Variants in PCDHGB7 observed in about 807,000 individuals in gnomAD.
PCDHGB7 encodes protocadherin gamma-B7.
In PCDHGB7, 37 loss-of-function variants were observed where a neutral mutation model predicts 61.4. The observed-to-expected ratio is 0.60, with a 90% CI of 0.46 to 0.79. The LOEUF (loss-of-function observed/expected upper bound fraction) is 0.79. PCDHGB7 is among the 30% of genes least tolerant of loss of function. PCDHGB7 has a pLI of 0.00. For synonymous variants in PCDHGB7, 464 were observed against 503.5 expected, an observed-to-expected ratio of 0.92 and a Z score of 1.05; for missense variants, 1,166 against 1,202.5, an observed-to-expected ratio of 0.97 and a Z score of 0.45.
intron 1 of PCDHGB7, among the ~76,000 whole-genome samples, chr5:141,481,171 C>G (rs927813327): frequency 6.6e-6 from 1 of 152,120 alleles, no homozygotes; most frequent in African/African-American, 2.4e-5. Flanking sequence ...AACCAGAATC[C>G]AGCTTTATTG....
chr5:141,436,089 T>C (rs1001252646), intron 1 of PCDHGB7, among the ~76,000 whole-genome samples: 1 of 152,204 alleles, frequency 6.6e-6, no homozygotes, highest in Non-Finnish European at 1.5e-5. Context: ...ATAGGTAATA[T>C]TGAGAGAAAT....
intron 1 of PCDHGB7, among the ~76,000 whole-genome samples, chr5:141,454,062 A>T (rs548960162): frequency 6.6e-6 from 1 of 152,380 alleles, no homozygotes; most frequent in East Asian, 1.9e-4. Context: ...CAAAGAAACA[A>T]AAGTGATAAT....
Position 141,485,715 on chromosome 5 carries a change from A to G in PCDHGB7, c.2416-9092A>G. The G allele has an allele frequency of 6.2e-7, 1 of 1,614,114 alleles. No homozygotes were observed. Among genetic ancestry groups the G allele is most frequent in the Non-Finnish European group, 8.5e-7 (1 of 1,180,012 alleles). On this transcript the variant is annotated intron_variant, in intron 1 of 3. Transcript: ENST00000398594. The surrounding 1 kb of genome is among the most constrained non-coding windows in gnomAD (Gnocchi z 5.7). ...AGCTCCAATGAACACTTTGCACTGGATGTGAAGAAGCGCAGCGACGGCAGC... is the reference window on the plus strand; with the variant it reads ...AGCTCCAATGAACACTTTGCACTGGGTGTGAAGAAGCGCAGCGACGGCAGC...
intron 1 of PCDHGB7, chr5:141,421,585 G>A: frequency 1.2e-6 from 2 of 1,613,916 alleles, no homozygotes; most frequent in Non-Finnish European, 1.7e-6. Context: ...GATTTACGGA[G>A]TGGAGGTGGA....
chr5:141,490,644 T>C lies in PCDHGB7; in HGVS notation c.2416-4163T>C. The C allele has an allele frequency of 6.2e-7, 1 of 1,614,188 alleles. No homozygotes were observed. Among genetic ancestry groups the C allele is most frequent in the Non-Finnish European group, 8.5e-7 (1 of 1,180,016 alleles). On this transcript the variant is annotated intron_variant, in intron 1 of 3. Coordinates refer to ENST00000398594, the MANE Select transcript of PCDHGB7 (RefSeq NM_018927.4). The surrounding 1 kb of genome is among the most constrained non-coding windows in gnomAD (Gnocchi z 5.4). Reference sequence around the variant, plus strand: ...CTGCTTACATCCTAGAAAACCGGCCTCCGGGCTCCCTTCTTTGCACTGTGG... The same window carrying C: ...CTGCTTACATCCTAGAAAACCGGCCCCCGGGCTCCCTTCTTTGCACTGTGG...
At chr5:141,471,078 T>C (rs1370939177) in intron 1 of PCDHGB7, among the ~76,000 whole-genome samples, 1 of 142,250 alleles carries the variant, frequency 7.0e-6, no homozygotes, top group Non-Finnish European at 1.5e-5. Context: ...AGACAGGGTC[T>C]CCCTCTGTTG....
chr5:141,506,380 TG>T (rs2099852860), intron 3 of PCDHGB7, among the ~76,000 whole-genome samples: 1 of 141,314 alleles, frequency 7.1e-6, no homozygotes, highest in Non-Finnish European at 1.5e-5. Flanking sequence ...ACCTGGGAGG[TG>T]GCTGTGGTGA....
At chr5:141,456,873 G>A (rs2098894054) in intron 1 of PCDHGB7, among the ~76,000 whole-genome samples, 1 of 152,152 alleles carries the variant, frequency 6.6e-6, no homozygotes, top group Non-Finnish European at 1.5e-5. Context: ...TGAGGCAGGA[G>A]AATCGCTTGA....
At position 141,418,754 on chromosome 5, in the gene PCDHGB7, G is replaced by A. The variant is rs748707880; in HGVS notation, c.895G>A (p.Gly299Arg). The A allele has an allele frequency of 6.2e-7, 1 of 1,613,926 alleles. No individual in the cohort carries two copies. Among genetic ancestry groups the A allele is most frequent in the South Asian group, 1.1e-5 (1 of 91,074 alleles). Residue 299 changes from glycine (G) to arginine (R), a missense_variant, in exon 1 of 4, where the codon GGA (glycine) becomes AGA (arginine). Physicochemically the swap from Gly to Arg is moderately radical, Grantham distance 125. Transcript: ENST00000398594. ...QHVFSLDYTT[G>R]NILTQQPLDF... ...CGTGTTCTCTCTGGATTACACTACA[G>A]GAAACATTCTAACTCAGCAGCCTTT...
At chr5:141,480,221 T>C (rs2099514536) in intron 1 of PCDHGB7, among the ~76,000 whole-genome samples, 1 of 149,748 alleles carries the variant, frequency 6.7e-6, no homozygotes, top group Admixed American at 6.7e-5. Context: ...CTGAGCGACA[T>C]AGTGAGATCC....
chr5:141,433,361 ATCT>A, intron 1 of PCDHGB7: 2 of 297,578 alleles, frequency 6.7e-6, no homozygotes, highest in Non-Finnish European at 1.3e-5. Context: ...CTGTCTGCCT[ATCT>A]ATCTATCTAT....
rs534816363 is a variant in PCDHGB7, at chr5:141,456,234, G to T, written c.2415+35960G>T. Among the ~76,000 whole-genome samples the T allele has an allele frequency of 2.2e-4, 33 of 152,224 alleles. 1 individual carries two copies. The South Asian group carries it at 6.9e-3, about 32-fold the overall frequency. On this transcript the variant is annotated intron_variant, in intron 1 of 3. Transcript: ENST00000398594. ...CTGTGGCGATATCAAACTAACTGCT[G>T]TTAGGAGGCTTTGGGCGACCATTGC...
chr5:141,480,102 T>C (rs568342271), intron 1 of PCDHGB7, among the ~76,000 whole-genome samples: 1 of 152,320 alleles, frequency 6.6e-6, no homozygotes, highest in South Asian at 2.1e-4. Flanking sequence ...GCAAAGTGTT[T>C]AGCATGGTGC....
At chr5:141,433,264 G>T in intron 1 of PCDHGB7, 1 of 1,314,872 alleles carries the variant, frequency 7.6e-7, no homozygotes, top group South Asian at 1.4e-5. Flanking sequence ...TACGATCATA[G>T]CTCACTGCAG....
chr5:141,453,287 A>T (rs900058377), intron 1 of PCDHGB7, among the ~76,000 whole-genome samples: 1 of 151,368 alleles, frequency 6.6e-6, no homozygotes, highest in Non-Finnish European at 1.5e-5. Context: ...CTAATTTTTT[A>T]ATTATTTATT....
Position 141,418,898 on chromosome 5 carries a change from A to G in PCDHGB7, c.1039A>G (p.Ile347Val), listed in dbSNP as rs768409383. The stretch of plus-strand genomic sequence containing the variant: ...AGACGAAAACGACAACAGCCCAGAA[A>G]TAATCATCACGTCACTCTCTGATCA... ...VVDENDNSPE[I>V]IITSLSDQIM... The change falls in exon 1 of 4, where the codon ATA (isoleucine) becomes GTA (valine). Residue 347 changes from isoleucine (I) to valine (V), a missense_variant. Physicochemically the swap from Ile to Val is conservative, Grantham distance 29. Coordinates refer to ENST00000398594, the MANE Select transcript of PCDHGB7 (RefSeq NM_018927.4). 1.2e-6 allele frequency: 2 copies of G among 1,614,016 alleles called. No homozygotes were observed. The highest frequency in any genetic ancestry group is 2.2e-5 in the South Asian group (2 of 91,088).
Position 141,423,433 on chromosome 5 carries a change from A to G in PCDHGB7, c.2415+3159A>G, listed in dbSNP as rs746170494. ...GGCTTCTGAAGGCGGGTTGGCAGGT[A>G]TGCCCACGTCACATTTTGTAGGCGT... On this transcript the variant is annotated intron_variant, in intron 1 of 3. Coordinates refer to ENST00000398594, the MANE Select transcript of PCDHGB7 (RefSeq NM_018927.4). 3.1e-6 allele frequency: 5 copies of G among 1,614,010 alleles called. No homozygotes were observed. The East Asian group carries it at 8.9e-5, about 29-fold the overall frequency.
At chr5:141,468,744 T>G (rs113912306) in intron 1 of PCDHGB7, among the ~76,000 whole-genome samples, 5,602 of 152,138 alleles carry the variant, frequency 0.037, 142 homozygotes, top group South Asian at 0.077. Flanking sequence ...CGGGTGCCTG[T>G]AGTCCCAGCT....
Position 141,477,849 on chromosome 5 carries a change from A to G in PCDHGB7, c.2416-16958A>G. ...CCTCGGCCAGGTGGGAGCTCGGTGGAGATGCTGCCTCGAGGTACCTCAGCT... is the reference window on the plus strand; with the variant it reads ...CCTCGGCCAGGTGGGAGCTCGGTGGGGATGCTGCCTCGAGGTACCTCAGCT... On this transcript the variant is annotated intron_variant, in intron 1 of 3. Transcript: ENST00000398594. This position sits in a 1 kb window ranked among gnomAD's most constrained non-coding sequence, Gnocchi z 4.9. The G allele has an allele frequency of 6.8e-6, 11 of 1,612,812 alleles. No individual in the cohort carries two copies. Among genetic ancestry groups the G allele is most frequent in the Non-Finnish European group, 8.5e-6 (10 of 1,179,548 alleles).
Sources: allele counts gnomAD v4.1 joint callset (sites outside exome capture counted in the v4.1 genomes callset), GRCh38; gene constraint gnomAD v4.1.1; non-coding constraint Gnocchi (gnomAD v3.1); transcripts MANE v1.5; gene names NCBI Gene and HGNC (gene_info 2026-07-23, HGNC 2026-07-21).